TMEM41B: variants seen among roughly 807,000 people sequenced by gnomAD.
TMEM41B encodes the protein transmembrane protein 41B, also known as protein stasimon.
TMEM41B carries 18 observed loss-of-function variants against 31.9 expected under a neutral mutation model. The ratio of observed to expected loss-of-function variants is 0.56; its 90% confidence interval spans 0.39 to 0.84. TMEM41B has a LOEUF of 0.84. Ranked by LOEUF, TMEM41B falls within the 40% of genes least tolerant of loss-of-function variation. TMEM41B has a pLI of 0.00. For synonymous variants in TMEM41B, 144 were observed against 124.3 expected, an observed-to-expected ratio of 1.16 and a Z score of -1.05; for missense variants, 322 against 348.0, an observed-to-expected ratio of 0.93 and a Z score of 0.59.
chr11:9,288,487 T>C lies in TMEM41B; in HGVS notation c.417A>G (p.Ser139=). ...CTAGTGGAAAGGGATAAAGAAACCC[T>C]GAGAGTATACTGAGAAATATAGAGC... The part of the protein sequence containing the change: ...IPGSIFLSIL[S]GFLYPFPLAL... Residue 139 remains serine (S), a synonymous_variant, in exon 4 of 7, where the codon TCA becomes TCG. Coordinates refer to ENST00000528080, the MANE Select transcript of TMEM41B (RefSeq NM_015012.4). 1 of 1,598,038 alleles carries C rather than the reference T, an allele frequency of 6.3e-7. No homozygotes were observed. Among genetic ancestry groups the C allele is most frequent in the Non-Finnish European group, 8.5e-7 (1 of 1,174,766 alleles).
At position 9,282,240 on chromosome 11, in the gene TMEM41B, C is replaced by T. The variant is rs7358313; in HGVS notation, c.*1184G>A. 67,191 of 151,668 alleles carry T rather than the reference C, an allele frequency of 0.44. 15,141 individuals carry two copies. The highest frequency in any genetic ancestry group is 0.49 in the East Asian group (2,529 of 5,134). The allele number at this position is 151,668 out of a possible 1,614,324, so 9.4% of individuals were successfully genotyped here. On this transcript the variant is annotated 3_prime_UTR_variant, in exon 7 of 7. Transcript: ENST00000528080. The stretch of plus-strand genomic sequence containing the variant: ...TAAAAACACAAAAATTAGCTGGGCA[C>T]GGTGGCACACACCTGTAATCCCAGC...
intron 1 of TMEM41B, among the ~76,000 whole-genome samples, chr11:9,308,516 C>G (rs1239782193): frequency 6.6e-6 from 1 of 152,174 alleles, no homozygotes; most frequent in African/African-American, 2.4e-5. Context: ...GAAGTATCAT[C>G]TGAACTAGCA....
intron 2 of TMEM41B, among the ~76,000 whole-genome samples, chr11:9,299,345 C>CACACACACACACA (rs201083248): frequency 1.4e-5 from 2 of 144,100 alleles, no homozygotes; most frequent in Non-Finnish European, 3.0e-5. Context: ...CACACACACA[C>CACACACACACACA]GTGTGTGTAT....
intron 3 of TMEM41B, among the ~76,000 whole-genome samples, chr11:9,289,113 CCCA>C (rs1289262951): frequency 4.6e-5 from 7 of 152,116 alleles, no homozygotes; most frequent in Non-Finnish European, 2.9e-5. Flanking sequence ...AAGCAATTCT[CCCA>C]CTTCAGCCTT....
At chr11:9,306,744 T>C (rs1248115865) in intron 1 of TMEM41B, among the ~76,000 whole-genome samples, 1 of 152,198 alleles carries the variant, frequency 6.6e-6, no homozygotes, top group Admixed American at 6.5e-5. Context: ...AACATGTTTT[T>C]CTAACTTCAG....
intron 1 of TMEM41B, chr11:9,311,592 T>C: frequency 9.5e-7 from 1 of 1,053,864 alleles, no homozygotes. Flanking sequence ...AAAGGGTGGG[T>C]TGATAGGTGG....
chr11:9,307,944 T>G (rs2133648140), intron 1 of TMEM41B, among the ~76,000 whole-genome samples: 1 of 151,134 alleles, frequency 6.6e-6, no homozygotes, highest in South Asian at 2.1e-4. Context: ...GAGACGGGGT[T>G]TCACCGTGGT....
At chr11:9,312,059 C>T (rs1234897557) in intron 1 of TMEM41B, among the ~76,000 whole-genome samples, 2 of 152,222 alleles carry the variant, frequency 1.3e-5, no homozygotes, top group South Asian at 2.1e-4. Flanking sequence ...TCTGACACAT[C>T]CTGAACAGGC....
At chr11:9,293,588 A>C (rs1169588975) in intron 3 of TMEM41B, among the ~76,000 whole-genome samples, 1 of 151,296 alleles carries the variant, frequency 6.6e-6, no homozygotes, top group Non-Finnish European at 1.5e-5. Context: ...TATTTTTGTT[A>C]TTTTTATTTT....
At chr11:9,299,813 G>T in intron 1 of TMEM41B, 112 bp from the exon 2 acceptor site, 1 of 818,650 alleles carries the variant, frequency 1.2e-6, no homozygotes, top group Non-Finnish European at 2.0e-6. Flanking sequence ...TGCCTAAAAT[G>T]ATGTGACATT....
intron 1 of TMEM41B, among the ~76,000 whole-genome samples, chr11:9,312,451 T>C (rs540926573): frequency 6.6e-6 from 1 of 152,320 alleles, no homozygotes; most frequent in South Asian, 2.1e-4. Context: ...CAGCAAGCTA[T>C]GATCATGCCA....
chr11:9,285,871 C>CT lies in TMEM41B; in HGVS notation c.706+583dup, dbSNP rs1372071326. Among the ~76,000 whole-genome samples the CT allele has an allele frequency of 4.0e-5, 6 of 151,264 alleles. No individual in the cohort carries two copies. In the East Asian group the frequency reaches 9.7e-4, roughly 24 times the overall value. On this transcript the variant is annotated intron_variant, in intron 6 of 6. Coordinates refer to ENST00000528080, the MANE Select transcript of TMEM41B (RefSeq NM_015012.4). Reference sequence around the variant, plus strand: ...GTGGCTCACGCCTATAATCCCAGCACTTTGGGAGGCTGAGGTAGGTGGACC... The same window carrying CT: ...GTGGCTCACGCCTATAATCCCAGCACTTTTGGGAGGCTGAGGTAGGTGGACC...
intron 3 of TMEM41B, 115 bp downstream of exon 3, chr11:9,295,144 G>C: frequency 8.8e-7 from 1 of 1,134,302 alleles, no homozygotes; most frequent in Non-Finnish European, 1.2e-6. Flanking sequence ...ATTTAATATT[G>C]TCACACTGCA....
chr11:9,284,935 C>G (rs1852802553), intron 6 of TMEM41B, among the ~76,000 whole-genome samples: 1 of 152,090 alleles, frequency 6.6e-6, no homozygotes, highest in Non-Finnish European at 1.5e-5. Context: ...CTGAAATTAA[C>G]TAAATCTCTG....
chr11:9,299,480 C>T (rs540159096), intron 2 of TMEM41B, 104 bp downstream of exon 2: 3 of 787,678 alleles, frequency 3.8e-6, no homozygotes, highest in African/African-American at 3.5e-5. Context: ...ACCTCGGCCT[C>T]CCAAAGTGTT....
At chr11:9,284,310 C>A (rs557415685) in intron 6 of TMEM41B, among the ~76,000 whole-genome samples, 1 of 151,808 alleles carries the variant, frequency 6.6e-6, no homozygotes, top group African/African-American at 2.4e-5. Context: ...CACACCCAGG[C>A]AAAATTTTTG....
At chr11:9,287,669 G>A (rs369421623) in intron 5 of TMEM41B, 33 bp downstream of exon 5, 4 of 1,480,640 alleles carry the variant, frequency 2.7e-6, no homozygotes, top group Middle Eastern at 3.5e-4. Flanking sequence ...TTAACAAAGA[G>A]TTACATCAAA....
rs1852722056 is a variant in TMEM41B, at chr11:9,281,685, T to C, written c.*1739A>G. ...CCAAGCAGCAAAAAGCACTTTCATT[T>C]TTCCAGAACTATTTAAATACAGTAG... On this transcript the variant is annotated 3_prime_UTR_variant, in exon 7 of 7. Transcript: ENST00000528080. 6.6e-6 allele frequency: 1 copy of C among 152,220 alleles called. No homozygotes were observed. The highest frequency in any genetic ancestry group is 1.5e-5 in the Non-Finnish European group (1 of 68,036). The allele number at this position is 152,220 out of a possible 1,614,324, so 9.4% of individuals were successfully genotyped here.
At chr11:9,306,867 GCCT>G (rs1006489458) in intron 1 of TMEM41B, among the ~76,000 whole-genome samples, 7 of 152,242 alleles carry the variant, frequency 4.6e-5, no homozygotes, top group Admixed American at 1.3e-4. Flanking sequence ...CAATGATGCT[GCCT>G]CCTACTTTAA....
Sources: allele counts gnomAD v4.1 joint callset (sites outside exome capture counted in the v4.1 genomes callset), GRCh38; gene constraint gnomAD v4.1.1; transcripts MANE v1.5; gene names NCBI Gene and HGNC (gene_info 2026-07-23, HGNC 2026-07-21).